TAF8: variants seen among roughly 807,000 people sequenced by gnomAD.
TAF8 encodes the protein transcription initiation factor TFIID subunit 8.
A neutral mutation model predicts 36.5 loss-of-function variants in TAF8; 47 were observed. The ratio of observed to expected loss-of-function variants is 1.29; its 90% CI spans 1.02 to 1.64. TAF8 has a LOEUF of 1.64. Ranked by LOEUF, TAF8 falls within the 40% of genes most tolerant of loss-of-function variation. The pLI, the probability that TAF8 is intolerant of heterozygous loss-of-function variation, is 0.00. For synonymous variants in TAF8, 175 were observed against 159.5 expected (o/e 1.10, Z -0.73); for missense variants, 420 against 407.6 (o/e 1.03, Z -0.26).
Position 42,079,058 on chromosome 6 carries a change from G to T in TAF8, c.*1513G>T. Reference sequence around the variant, plus strand: ...AATCACTTGAACCTGGGAGGCGGAGGTTGCAGTGAGCCGAGATCGTGCCAC... The same window carrying T: ...AATCACTTGAACCTGGGAGGCGGAGTTTGCAGTGAGCCGAGATCGTGCCAC... On this transcript the variant is annotated 3_prime_UTR_variant, in exon 9 of 9. Transcript: ENST00000372977. The T allele has an allele frequency of 1.5e-6, 1 of 683,560 alleles. No individual in the cohort carries two copies. Among genetic ancestry groups the T allele is most frequent in the Non-Finnish European group, 1.8e-6 (1 of 554,642 alleles). The allele number at this position is 683,560 out of a possible 1,614,324, so 42.3% of individuals were successfully genotyped here.
downstream of TAF8, among the ~76,000 whole-genome samples, chr6:42,085,668 A>G (rs531735360): frequency 6.3e-4 from 96 of 151,374 alleles, no homozygotes; most frequent in African/African-American, 2.3e-3. Flanking sequence ...CATAAAAATT[A>G]AAAATCAATT....
intron 1 of TAF8, 76 bp downstream of exon 1, chr6:42,050,662 G>A: frequency 2.1e-6 from 3 of 1,458,230 alleles, no homozygotes; most frequent in Non-Finnish European, 2.8e-6. Context: ...TGAGCAACAA[G>A]ATAATGCCCA....
chr6:42,060,755 C>T (rs951205479), intron 5 of TAF8, among the ~76,000 whole-genome samples: 8 of 152,186 alleles, frequency 5.3e-5, no homozygotes, highest in Non-Finnish European at 1.2e-4. Flanking sequence ...GGTAAAATAA[C>T]CAATTTCTCC....
intron 8 of TAF8, 80 bp from the exon 9 acceptor site, chr6:42,077,453 C>T (rs1378348500): frequency 6.3e-7 from 1 of 1,587,992 alleles, no homozygotes; most frequent in East Asian, 2.3e-5. Flanking sequence ...CCAACCCTCA[C>T]AGCACTGGAG....
chr6:42,077,237 G>A lies in TAF8; in HGVS notation c.918G>A (p.Lys306=), dbSNP rs774749081. 1.9e-6 allele frequency: 3 copies of A among 1,612,262 alleles called. No homozygotes were observed. The highest frequency in any genetic ancestry group is 2.5e-6 in the Non-Finnish European group (3 of 1,178,660). ...TGAAGAAGCCCAAGATCCGCAGGAA[G>A]AAGTGAGTTGGAGGCTGGGGTCCAG... ...RPVKKPKIRR[K]KSLS Residue 306 remains lysine, a splice_region_variant and synonymous_variant, in exon 8 of 9, where the codon AAG becomes AAA. Coordinates refer to ENST00000372977, the MANE Select transcript of TAF8 (RefSeq NM_138572.3).
downstream of TAF8, chr6:42,086,855 C>G (rs1033598890): frequency 5.2e-6 from 6 of 1,149,436 alleles, 1 homozygote; most frequent in Middle Eastern, 1.9e-4. Context: ...TGTGCTCCTT[C>G]CAGCCCTTGC....
In TAF8 at chr6:42,055,596, C is replaced by G. The variant is rs1185876672; in HGVS notation, c.268C>G (p.Leu90Val). 1 of 1,614,200 alleles carries G rather than the reference C, an allele frequency of 6.2e-7. No homozygotes were observed. The highest frequency in any genetic ancestry group is 8.5e-7 in the Non-Finnish European group (1 of 1,180,020). The change falls in exon 3 of 9, where the codon CTG becomes GTG. Residue 90 changes from leucine to valine, a missense_variant. Transcript: ENST00000372977. Reference sequence around the variant, plus strand: ...GCACACAGCCAGGACCCAGCCCACACTGTCCGATATCGTGGTCACACTTGT... The same window carrying G: ...GCACACAGCCAGGACCCAGCCCACAGTGTCCGATATCGTGGTCACACTTGT... ...CEHTARTQPT[L>V]SDIVVTLVEM...
At chr6:42,066,896 G>A (rs1765386205) in intron 6 of TAF8, among the ~76,000 whole-genome samples, 1 of 152,210 alleles carries the variant, frequency 6.6e-6, no homozygotes, top group African/African-American at 2.4e-5. Context: ...ATGTGAGTGA[G>A]GGAGGTTGGT....
At chr6:42,063,143 T>G (rs1582226341) in intron 5 of TAF8, 1 of 152,250 alleles carries the variant, frequency 6.6e-6, no homozygotes, top group Admixed American at 6.5e-5. Flanking sequence ...TTTAACTCTT[T>G]TATATAGTAT....
At chr6:42,086,622 C>G (rs146348936), downstream of TAF8, 1 of 1,206,522 alleles carries the variant, frequency 8.3e-7, no homozygotes, top group African/African-American at 1.5e-5. Flanking sequence ...TGCGGCACCC[C>G]CTCTCCAATG....
chr6:42,078,174 G>A lies in TAF8; in HGVS notation c.*629G>A. ...CAAAGTGCTGAGATTACAGGCGTGA[G>A]CCACCGCACCCCACCAGAGACTTTC... On this transcript the variant is annotated 3_prime_UTR_variant, in exon 9 of 9. Coordinates refer to ENST00000372977, the MANE Select transcript of TAF8 (RefSeq NM_138572.3). 1.0e-6 allele frequency: 1 copy of A among 985,654 alleles called. No individual in the cohort carries two copies. Among genetic ancestry groups the A allele is most frequent in the Non-Finnish European group, 1.2e-6 (1 of 830,212 alleles). 61.1% of individuals were successfully genotyped at this position (985,654 alleles called of 1,614,324 possible). A position where few individuals can be genotyped will look rare whatever the true frequency, so the allele number is the denominator to read the frequency against.
chr6:42,056,696 C>G (rs1173908457), intron 4 of TAF8, among the ~76,000 whole-genome samples: 2 of 152,178 alleles, frequency 1.3e-5, no homozygotes, highest in African/African-American at 4.8e-5. Flanking sequence ...ACCTCTGCCT[C>G]CGAGGTTCAA....
intron 5 of TAF8, among the ~76,000 whole-genome samples, chr6:42,060,397 G>A (rs1438857006): frequency 6.6e-6 from 1 of 152,138 alleles, no homozygotes; most frequent in African/African-American, 2.4e-5. Flanking sequence ...TGCATAAAGT[G>A]CAGCAAGAAT....
intron 5 of TAF8, among the ~76,000 whole-genome samples, chr6:42,059,428 C>A (rs1765117535): frequency 6.6e-6 from 1 of 151,656 alleles, no homozygotes; most frequent in Non-Finnish European, 1.5e-5. Flanking sequence ...GAGCTGTCTT[C>A]TTGCACTGAG....
At chr6:42,051,175 A>G in intron 1 of TAF8, 182 bp from the exon 2 acceptor site, 1 of 1,310,236 alleles carries the variant, frequency 7.6e-7, no homozygotes, top group Non-Finnish European at 9.9e-7. Context: ...TGGTCTCTGT[A>G]TTTAAAGCAC....
downstream of TAF8, among the ~76,000 whole-genome samples, chr6:42,084,113 G>A (rs1428225718): frequency 6.6e-6 from 1 of 150,520 alleles, no homozygotes; most frequent in African/African-American, 2.4e-5. Context: ...CCCGGGAGGC[G>A]GAGCTTGCAC....
At position 42,082,085 on chromosome 6, in the gene TAF8, G is replaced by T. The variant is rs1053629170; in HGVS notation, c.*4540G>T. The T allele has an allele frequency of 6.6e-6, 1 of 152,198 alleles. No homozygotes were observed. The highest frequency in any genetic ancestry group is 1.5e-5 in the Non-Finnish European group (1 of 68,046). The allele number at this position is 152,198 out of a possible 1,614,324, so 9.4% of individuals were successfully genotyped here. On this transcript the variant is annotated 3_prime_UTR_variant, in exon 9 of 9. Transcript: ENST00000372977. ...TAGTACAATGCATAGAGCTTATTTA[G>T]TTTTCACCATGTGCACGTGTGTGTT...
At chr6:42,056,076 A>G (rs1764977314) in intron 4 of TAF8, 62 bp downstream of exon 4, 3 of 1,097,538 alleles carry the variant, frequency 2.7e-6, no homozygotes, top group African/African-American at 3.1e-5. Flanking sequence ...GAATGAAGTA[A>G]TTGAATATGG....
rs925990484 is a variant in TAF8 at position 42,078,371 on chromosome 6, G to C, written c.*826G>C. 1.0e-6 allele frequency: 1 copy of C among 985,406 alleles called. No homozygotes were observed. Among genetic ancestry groups the C allele is most frequent in the Non-Finnish European group, 1.2e-6 (1 of 829,930 alleles). 61.0% of individuals were successfully genotyped at this position (985,406 alleles called of 1,614,324 possible). A position where few individuals can be genotyped will look rare whatever the true frequency, so the allele number is the denominator to read the frequency against. On this transcript the variant is annotated 3_prime_UTR_variant, in exon 9 of 9. Coordinates refer to ENST00000372977, the MANE Select transcript of TAF8 (RefSeq NM_138572.3). ...ACTGTTTGTCCAGCGTGTATTTCAG[G>C]ATATCTGGATCCCTTTTATTGACTC...
Sources: gnomAD v4.1 joint callset for allele counts (sites outside exome capture counted in the v4.1 genomes callset) on GRCh38, gnomAD v4.1.1 for gene constraint, MANE v1.5 for transcripts, NCBI Gene and HGNC (gene_info 2026-07-23, HGNC 2026-07-21) for gene names.